The following ARHGAP42 variants were observed in gnomAD, a reference collection of about 807,000 sequenced individuals.
ARHGAP42 encodes the protein Rho GTPase activating protein 42, also known as rho GTPase-activating protein 42.
A neutral mutation model predicts 125.0 loss-of-function variants in ARHGAP42; 63 were observed. The ratio of observed to expected loss-of-function variants is 0.50; its 90% CI spans 0.41 to 0.62. The LOEUF (loss-of-function observed/expected upper bound fraction) is 0.62, where lower values mean the gene tolerates loss of function less well. Ranked by LOEUF, ARHGAP42 falls within the 20% of genes least tolerant of loss-of-function variation. ARHGAP42 has a pLI of 0.00. For synonymous variants in ARHGAP42, 339 were observed against 351.0 expected (o/e 0.97, Z 0.38); for missense variants, 766 against 1,024.2 (o/e 0.75, Z 3.44).
At chr11:100,736,865 C>G (rs921143082) in intron 1 of ARHGAP42, among the ~76,000 whole-genome samples, 2 of 152,070 alleles carry the variant, frequency 1.3e-5, no homozygotes, top group African/African-American at 4.8e-5. Flanking sequence ...TTTTCCTTAC[C>G]TTTGATCAAG....
At chr11:100,987,479 G>A (rs1640031597) in intron 22 of ARHGAP42, 34 bp from the exon 23 acceptor site, 3 of 1,513,738 alleles carry the variant, frequency 2.0e-6, no homozygotes, top group Non-Finnish European at 2.7e-6. Context: ...TAGGTTGAGT[G>A]TTGAGGTTTT....
chr11:100,806,575 T>C (rs1440730545), intron 3 of ARHGAP42, among the ~76,000 whole-genome samples: 3 of 140,290 alleles, frequency 2.1e-5, no homozygotes, highest in African/African-American at 7.9e-5. Context: ...AACATTCTTC[T>C]ACAGTGATTT....
intron 8 of ARHGAP42, among the ~76,000 whole-genome samples, chr11:100,939,768 C>G (rs1221424036): frequency 2.0e-5 from 3 of 152,114 alleles, no homozygotes; most frequent in African/African-American, 7.2e-5. Flanking sequence ...CTGCCCTGGC[C>G]TAGTGCCAGT....
intron 1 of ARHGAP42, among the ~76,000 whole-genome samples, chr11:100,745,933 A>G (rs896578902): frequency 3.9e-5 from 6 of 152,208 alleles, no homozygotes; most frequent in Non-Finnish European, 7.4e-5. Flanking sequence ...TTGATATGGT[A>G]TTCCCCATGG....
intron 3 of ARHGAP42, among the ~76,000 whole-genome samples, chr11:100,798,799 T>G (rs1383870179): frequency 6.6e-6 from 1 of 152,214 alleles, no homozygotes; most frequent in Non-Finnish European, 1.5e-5. Context: ...AGGTGTGGAC[T>G]GAATCCTCTG....
chr11:100,980,794 C>A (rs1858524427), intron 22 of ARHGAP42, among the ~76,000 whole-genome samples: 1 of 151,690 alleles, frequency 6.6e-6, no homozygotes. Context: ...TGGTCTTGAA[C>A]TCCTGACCTC....
At chr11:100,953,272 A>G (rs1255323968) in intron 12 of ARHGAP42, among the ~76,000 whole-genome samples, 1 of 152,140 alleles carries the variant, frequency 6.6e-6, no homozygotes, top group Non-Finnish European at 1.5e-5. Context: ...ACTCATTTAT[A>G]TCCTCCATAA....
At chr11:100,697,505 T>C (rs1861307081) in intron 1 of ARHGAP42, among the ~76,000 whole-genome samples, 1 of 152,218 alleles carries the variant, frequency 6.6e-6, no homozygotes, top group South Asian at 2.1e-4. Context: ...ATTTCTATGA[T>C]ATTTCCTCAT....
intron 1 of ARHGAP42, among the ~76,000 whole-genome samples, chr11:100,696,015 C>G (rs1591111650): frequency 6.6e-6 from 1 of 152,042 alleles, no homozygotes; most frequent in Non-Finnish European, 1.5e-5. Context: ...CATTTGAGTT[C>G]GAGTTGGAGA....
At chr11:100,725,186 T>C (rs1861833193) in intron 1 of ARHGAP42, among the ~76,000 whole-genome samples, 1 of 151,910 alleles carries the variant, frequency 6.6e-6, no homozygotes, top group East Asian at 1.9e-4. Context: ...TTTTTTTTTT[T>C]TTGGAGACAG....
At chr11:100,765,346 A>G (rs530783162) in intron 1 of ARHGAP42, among the ~76,000 whole-genome samples, 116 of 149,620 alleles carry the variant, frequency 7.8e-4, no homozygotes, top group African/African-American at 2.6e-3. Context: ...TTTAAGGTCT[A>G]TGGGCAAAGC....
At chr11:100,955,083 C>A (rs1283971061) in intron 12 of ARHGAP42, among the ~76,000 whole-genome samples, 1 of 152,044 alleles carries the variant, frequency 6.6e-6, no homozygotes, top group Admixed American at 6.6e-5. Context: ...AGGACTTTTG[C>A]TTTGTTAGCT....
At chr11:100,720,439 A>G (rs930856147) in intron 1 of ARHGAP42, among the ~76,000 whole-genome samples, 14 of 152,324 alleles carry the variant, frequency 9.2e-5, no homozygotes, top group African/African-American at 2.9e-4. Context: ...CTATTTTCCA[A>G]ACTTTCTCTA....
intron 22 of ARHGAP42, among the ~76,000 whole-genome samples, chr11:100,980,758 A>G (rs1434836567): frequency 7.2e-6 from 1 of 138,828 alleles, no homozygotes; most frequent in Non-Finnish European, 1.6e-5. Flanking sequence ...TTTAGTAGAG[A>G]CAGGGTTTCA....
chr11:100,808,260 A>C (rs1334823525), intron 3 of ARHGAP42, among the ~76,000 whole-genome samples: 1 of 152,214 alleles, frequency 6.6e-6, no homozygotes, highest in Non-Finnish European at 1.5e-5. Context: ...CTTCTGATTA[A>C]ACCATAGAGT....
chr11:100,735,383 A>T (rs1437887905), intron 1 of ARHGAP42, among the ~76,000 whole-genome samples: 1 of 152,130 alleles, frequency 6.6e-6, no homozygotes, highest in African/African-American at 2.4e-5. Flanking sequence ...AAATGCCAAA[A>T]GTGACTCCAA....
intron 13 of ARHGAP42, among the ~76,000 whole-genome samples, chr11:100,960,261 A>G (rs886196993): frequency 3.3e-5 from 5 of 150,876 alleles, no homozygotes; most frequent in Non-Finnish European, 7.4e-5. Flanking sequence ...TTAAGGAGGT[A>G]AGATTCTTAA....
At chr11:100,797,907 A>T (rs936221070) in intron 3 of ARHGAP42, among the ~76,000 whole-genome samples, 5 of 152,230 alleles carry the variant, frequency 3.3e-5, no homozygotes, top group Non-Finnish European at 5.9e-5. Context: ...ATTCCTGCTC[A>T]CAAAGAGGTT....
At chr11:100,865,430 C>A (rs1412849269) in intron 4 of ARHGAP42, among the ~76,000 whole-genome samples, 2 of 152,036 alleles carry the variant, frequency 1.3e-5, no homozygotes, top group African/African-American at 4.8e-5. Context: ...GATACAAAAT[C>A]AATGAAAACA....
Sources: gnomAD v4.1 joint callset for allele counts (sites outside exome capture counted in the v4.1 genomes callset) on GRCh38, gnomAD v4.1.1 for gene constraint, MANE v1.5 for transcripts, NCBI Gene and HGNC (gene_info 2026-07-23, HGNC 2026-07-21) for gene names.